PRKN: variants seen among roughly 807,000 people sequenced by gnomAD.
The protein encoded by PRKN is E3 ubiquitin-protein ligase parkin.
A neutral mutation model predicts 59.5 loss-of-function variants in PRKN; 56 were observed. That is an observed-to-expected ratio of 0.94 (90% CI 0.76 to 1.18). PRKN has a LOEUF of 1.18. Ranked by LOEUF, PRKN falls within the 50% of genes most tolerant of loss-of-function variation. PRKN has a pLI of 0.00. For synonymous variants in PRKN, 250 were observed against 222.1 expected, an observed-to-expected ratio of 1.13 and a Z score of -1.12; for missense variants, 657 against 596.4, an observed-to-expected ratio of 1.10 and a Z score of -1.06.
At position 161,575,787 on chromosome 6, in the gene PRKN, G is replaced by A. The variant is rs967994658; in HGVS notation, c.872-6371C>T. On this transcript the variant is annotated intron_variant, in intron 7 of 11. Coordinates refer to ENST00000366898, the MANE Select transcript of PRKN (RefSeq NM_004562.3). The surrounding 1 kb of genome is among the most constrained non-coding windows in gnomAD (Gnocchi z 4.6). ...CGCTTTGAGGATTAATTTCTCTCTCGGCTATAGCTTAGAATCCCTAATGTG... is the reference window on the plus strand; with the variant it reads ...CGCTTTGAGGATTAATTTCTCTCTCAGCTATAGCTTAGAATCCCTAATGTG... Among the ~76,000 whole-genome samples, 1 of 152,142 alleles carries A rather than the reference G, an allele frequency of 6.6e-6. No individual in the cohort carries two copies. The highest frequency in any genetic ancestry group is 1.5e-5 in the Non-Finnish European group (1 of 68,034).
At chr6:161,934,063 G>A (rs535738385) in intron 6 of PRKN, among the ~76,000 whole-genome samples, 1 of 152,292 alleles carries the variant, frequency 6.6e-6, no homozygotes, top group South Asian at 2.1e-4. Context: ...TAATCCCCAG[G>A]TAACGAGAGA....
intron 1 of PRKN, among the ~76,000 whole-genome samples, chr6:162,514,317 G>C (rs958696843): frequency 3.3e-5 from 5 of 151,436 alleles, no homozygotes; most frequent in Non-Finnish European, 7.4e-5. Context: ...TTCAGGCTAA[G>C]CTTAATGCTA....
rs1290604134 is a variant in PRKN at position 161,475,914 on chromosome 6, C to T, written c.1083+72940G>A. On this transcript the variant is annotated intron_variant, in intron 9 of 11. Transcript: ENST00000366898. The surrounding 1 kb of genome is among the most constrained non-coding windows in gnomAD (Gnocchi z 5.3). The stretch of plus-strand genomic sequence containing the variant: ...AATATTATTCAAGATAGGCTGGTCG[C>T]GGTGGCTCACGCCTGTAATCCCAGC... Among the ~76,000 whole-genome samples, 5 of 152,020 alleles carry T rather than the reference C, an allele frequency of 3.3e-5. No homozygotes were observed. The highest frequency in any genetic ancestry group is 4.2e-4 in the South Asian group (2 of 4,802).
chr6:161,636,791 G>C (rs1368570166), intron 7 of PRKN, among the ~76,000 whole-genome samples: 1 of 152,124 alleles, frequency 6.6e-6, no homozygotes, highest in Non-Finnish European at 1.5e-5. Flanking sequence ...ATACAGGCCT[G>C]TGGTCCACAC....
rs1787107524 is a variant in PRKN at position 161,402,809 on chromosome 6, G to A, written c.1084-15932C>T. 1.3e-5 allele frequency among the ~76,000 whole-genome samples: 2 copies of A among 152,126 alleles called. No homozygotes were observed. Among genetic ancestry groups the A allele is most frequent in the Non-Finnish European group, 2.9e-5 (2 of 68,026 alleles). On this transcript the variant is annotated intron_variant, in intron 9 of 11. Transcript: ENST00000366898. The surrounding 1 kb of genome is among the most constrained non-coding windows in gnomAD (Gnocchi z 4.5). The stretch of plus-strand genomic sequence containing the variant: ...TGGTGAATAAAGGTTGTCTTATTAT[G>A]TAGATAAACAATCTCTCAGGTAATA...
rs1409285313 is a variant in PRKN, at chr6:161,400,631, TAAGACA to T, written c.1084-13760_1084-13755del. Among the ~76,000 whole-genome samples, 11 of 151,936 alleles carry T rather than the reference TAAGACA, an allele frequency of 7.2e-5. No individual in the cohort carries two copies. In the East Asian group the frequency reaches 1.2e-3, roughly 16 times the overall value. On this transcript the variant is annotated intron_variant, in intron 9 of 11. Transcript: ENST00000366898. This position sits in a 1 kb window ranked among gnomAD's most constrained non-coding sequence, Gnocchi z 4.2. ...GCTCGGCCGAAAATTAAACGTATTCTAAGACAAAGAAATTCAGATTTTTTTTTTTTC... is the reference window on the plus strand; with the variant it reads ...GCTCGGCCGAAAATTAAACGTATTCTAAGAAATTCAGATTTTTTTTTTTTC...
rs9347576 is a variant in PRKN at position 162,005,724 on chromosome 6, T to C, written c.619-32307A>G. On this transcript the variant is annotated intron_variant, in intron 5 of 11. Coordinates refer to ENST00000366898, the MANE Select transcript of PRKN (RefSeq NM_004562.3). ...TTTTCCAAGTTAGCTTTAAAGTAGT[T>C]GAGATACAGAACTGCAGGGTCTTTG... Among the ~76,000 whole-genome samples, 7,533 of 152,186 alleles carry C rather than the reference T, an allele frequency of 0.049. 941 individuals are homozygous for C. The East Asian group carries it at 0.52, about 11-fold the overall frequency.
At chr6:162,721,842 A>C (rs376472079) in intron 1 of PRKN, among the ~76,000 whole-genome samples, 2 of 152,214 alleles carry the variant, frequency 1.3e-5, no homozygotes, top group African/African-American at 2.4e-5. Flanking sequence ...AATTTCACAT[A>C]AAGTTGGTGC....
At chr6:161,441,165 G>C (rs1431043407) in intron 9 of PRKN, among the ~76,000 whole-genome samples, 1 of 152,226 alleles carries the variant, frequency 6.6e-6, no homozygotes, top group Non-Finnish European at 1.5e-5. Flanking sequence ...ACCGCAGGAG[G>C]AGCAGGAGAG....
intron 6 of PRKN, among the ~76,000 whole-genome samples, chr6:161,881,723 G>A (rs1794941922): frequency 6.6e-6 from 1 of 152,132 alleles, no homozygotes; most frequent in Non-Finnish European, 1.5e-5. Flanking sequence ...CCTGACACTG[G>A]GGTGGGTGGA....
chr6:162,584,747 T>TCC (rs1780939657), intron 1 of PRKN, among the ~76,000 whole-genome samples: 1 of 146,616 alleles, frequency 6.8e-6, no homozygotes, highest in African/African-American at 2.6e-5. Context: ...CCTTTCTGGG[T>TCC]TTCTTTCTTT....
chr6:162,633,076 TTAGGATTCATTGCTATTCCTTACA>T (rs1387173355), intron 1 of PRKN, among the ~76,000 whole-genome samples: 1 of 152,106 alleles, frequency 6.6e-6, no homozygotes. Flanking sequence ...TACATATCTT[TTAGGATTCATTGCTATTCCTTACA>T]ACCTAGATGA....
chr6:161,883,365 G>A (rs1413439979), intron 6 of PRKN, among the ~76,000 whole-genome samples: 1 of 151,652 alleles, frequency 6.6e-6, no homozygotes, highest in East Asian at 2.0e-4. Context: ...AGCCAGGCAA[G>A]GTGGTGTCTG....
At chr6:162,318,395 T>C (rs183995828) in intron 2 of PRKN, among the ~76,000 whole-genome samples, 7 of 152,182 alleles carry the variant, frequency 4.6e-5, no homozygotes, top group Admixed American at 3.3e-4. Flanking sequence ...TTGATGGACA[T>C]TTAGCTACTA....
intron 7 of PRKN, among the ~76,000 whole-genome samples, chr6:161,771,377 TAAAATAAAATAAAATAAAA>T (rs1789682995): frequency 4.9e-5 from 2 of 40,924 alleles, no homozygotes; most frequent in African/African-American, 1.2e-4. Flanking sequence ...AAAAATAAAA[TAAAATAAAATAAAATAAAA>T]TAAAAGCACT....
At chr6:162,309,916 T>A (rs78309328) in intron 2 of PRKN, among the ~76,000 whole-genome samples, 5 of 152,136 alleles carry the variant, frequency 3.3e-5, no homozygotes, top group African/African-American at 9.7e-5. Flanking sequence ...TATGTATTCA[T>A]GTGTTCTCAT....
chr6:162,535,108 G>C (rs1357359861), intron 1 of PRKN, among the ~76,000 whole-genome samples: 3 of 152,008 alleles, frequency 2.0e-5, no homozygotes, highest in African/African-American at 7.2e-5. Flanking sequence ...GGAAGCCCAG[G>C]GTCTCCAAGA....
intron 2 of PRKN, among the ~76,000 whole-genome samples, chr6:162,271,939 C>T (rs1369774440): frequency 6.6e-6 from 1 of 152,192 alleles, no homozygotes; most frequent in African/African-American, 2.4e-5. Flanking sequence ...TACTGAAAGG[C>T]CCCTTCTCTG....
chr6:162,295,877 G>A (rs1781650036), intron 2 of PRKN, among the ~76,000 whole-genome samples: 1 of 152,146 alleles, frequency 6.6e-6, no homozygotes, highest in Non-Finnish European at 1.5e-5. Context: ...ACCATCTGAT[G>A]GCAGTGTGAC....
Sources: allele counts gnomAD v4.1 joint callset (sites outside exome capture counted in the v4.1 genomes callset), GRCh38; gene constraint gnomAD v4.1.1; non-coding constraint Gnocchi (gnomAD v3.1); transcripts MANE v1.5; gene names NCBI Gene and HGNC (gene_info 2026-07-23, HGNC 2026-07-21).